Variants in PHKA2 observed in about 807,000 individuals in gnomAD.
PHKA2 encodes the protein phosphorylase b kinase regulatory subunit alpha, liver isoform.
A neutral mutation model predicts 102.0 loss-of-function variants in PHKA2; 31 were observed. The ratio of observed to expected loss-of-function variants is 0.30; its 90% CI spans 0.23 to 0.41. The LOEUF is 0.41. PHKA2 is among the 10% of genes least tolerant of loss of function. The probability of loss-of-function intolerance (pLI) is 1.00; values close to 1 mark genes in which losing one functional copy is unlikely to be tolerated. For synonymous variants in PHKA2, 455 were observed against 416.2 expected, an observed-to-expected ratio of 1.09 and a Z score of -1.13; for missense variants, 858 against 1,023.1, an observed-to-expected ratio of 0.84 and a Z score of 2.20.
At chrX:18,934,912 G>C (rs1439607001) in intron 11 of PHKA2, among the ~76,000 whole-genome samples, 1 of 112,533 alleles carries the variant, frequency 8.9e-6, no homozygotes, top group Non-Finnish European at 1.9e-5. Flanking sequence ...TGTGAGCTCT[G>C]ACAGGTTCCA....
chrX:18,942,964 T>C (rs2048517469), intron 7 of PHKA2, among the ~76,000 whole-genome samples: 1 of 110,336 alleles, frequency 9.1e-6, no homozygotes, highest in South Asian at 3.9e-4. Context: ...AGCTTCAGAA[T>C]AAAGCTTTAT....
chrX:18,961,099 A>G (rs2048862483), intron 1 of PHKA2, among the ~76,000 whole-genome samples: 1 of 112,169 alleles, frequency 8.9e-6, no homozygotes, highest in Admixed American at 9.4e-5. Context: ...TGGACATGGG[A>G]TGTCTTTCTG....
At chrX:18,967,006 G>T (rs919653562) in intron 1 of PHKA2, among the ~76,000 whole-genome samples, 2 of 111,136 alleles carry the variant, frequency 1.8e-5, no homozygotes, top group African/African-American at 6.5e-5. Flanking sequence ...GAATGTTTAG[G>T]GTGTAAAATC....
At chrX:18,966,943 C>G (rs751188594) in intron 1 of PHKA2, among the ~76,000 whole-genome samples, 1 of 111,397 alleles carries the variant, frequency 9.0e-6, no homozygotes, top group African/African-American at 3.3e-5. Flanking sequence ...GCTGGTGGCT[C>G]AGACAAGAAT....
At chrX:18,895,675 A>G (rs1404915188) in intron 30 of PHKA2, 2 of 125,656 alleles carry the variant, frequency 1.6e-5, no homozygotes, top group Non-Finnish European at 3.3e-5. Context: ...ATAAATATCG[A>G]GTGCCAGCTC....
At chrX:18,931,810 C>A (rs1315342603) in intron 11 of PHKA2, 62 bp from the exon 12 acceptor site, 1 of 744,907 alleles carries the variant, frequency 1.3e-6, no homozygotes, top group Non-Finnish European at 2.1e-6. Context: ...TGATACCTGA[C>A]CATGGGGAAT....
intron 1 of PHKA2, among the ~76,000 whole-genome samples, chrX:18,982,022 G>T (rs1018579229): frequency 2.7e-5 from 3 of 111,780 alleles, no homozygotes; most frequent in African/African-American, 9.8e-5. Context: ...CTCCATCACA[G>T]TCATGAAGGG....
At chrX:18,933,221 G>A (rs915306424) in intron 11 of PHKA2, among the ~76,000 whole-genome samples, 3 of 112,005 alleles carry the variant, frequency 2.7e-5, no homozygotes, top group Admixed American at 1.9e-4. Flanking sequence ...TCCCACCCAT[G>A]AGCCACCTCC....
intron 17 of PHKA2, among the ~76,000 whole-genome samples, chrX:18,922,435 G>A (rs2048138774): frequency 9.0e-6 from 1 of 111,132 alleles, no homozygotes; most frequent in Non-Finnish European, 1.9e-5. Context: ...ACAGTCTCGC[G>A]AGAAAGGCCA....
intron 1 of PHKA2, among the ~76,000 whole-genome samples, chrX:18,959,178 G>A (rs775025964): frequency 8.9e-5 from 10 of 112,227 alleles, no homozygotes; most frequent in Non-Finnish European, 1.7e-4. Context: ...CTGTCAGATG[G>A]GGATTATAAC....
chrX:18,975,353 G>A (rs866394901), intron 1 of PHKA2, among the ~76,000 whole-genome samples: 4 of 111,548 alleles, frequency 3.6e-5, no homozygotes, highest in Admixed American at 1.9e-4. Flanking sequence ...CTCTTTGCCC[G>A]CTGCCATCCA....
At chrX:18,945,785 T>G (rs1231888599) in intron 5 of PHKA2, among the ~76,000 whole-genome samples, 1 of 111,679 alleles carries the variant, frequency 9.0e-6, no homozygotes. Flanking sequence ...ATTCATATTT[T>G]CATTAAAAAA....
chrX:18,954,379 C>G lies in PHKA2; in HGVS notation c.112G>C (p.Glu38Gln), dbSNP rs17313469. The G allele has an allele frequency of 0.028, 33,367 of 1,210,349 alleles. 337 individuals carry two copies. Among genetic ancestry groups the G allele is most frequent in the Non-Finnish European group, 0.032 (29,002 of 895,077 alleles). Reference sequence around the variant, plus strand: ...TCCCGCACCCAGGCATCCTTCTGCTCATGGCTGGCTGACAGCAGCCCCGTG... The same window carrying G: ...TCCCGCACCCAGGCATCCTTCTGCTGATGGCTGGCTGACAGCAGCCCCGTG... ...PVTGLLSASH[E>Q]QKDAWVRDNI... The change falls in exon 2 of 33, where the codon GAG becomes CAG. Residue 38 changes from glutamate to glutamine, a missense_variant. Physicochemically the swap from Glu to Gln is conservative, Grantham distance 29. Transcript: ENST00000379942.
At chrX:18,961,514 C>G (rs1289668404) in intron 1 of PHKA2, among the ~76,000 whole-genome samples, 1 of 108,570 alleles carries the variant, frequency 9.2e-6, no homozygotes, top group African/African-American at 3.4e-5. Flanking sequence ...AAAAATTAGC[C>G]AGGCATGGTG....
intron 7 of PHKA2, 79 bp from the exon 8 acceptor site, chrX:18,941,754 C>T: frequency 1.4e-6 from 1 of 730,239 alleles, no homozygotes; most frequent in Non-Finnish European, 2.2e-6. Flanking sequence ...AGCTCGGCCC[C>T]AAGGGAACAT....
At chrX:18,978,787 T>C (rs1015327617) in intron 1 of PHKA2, among the ~76,000 whole-genome samples, 1 of 111,785 alleles carries the variant, frequency 8.9e-6, no homozygotes. Context: ...CAAACTCTTA[T>C]CTTAAAAGCT....
chrX:18,982,578 A>G (rs977076223), intron 1 of PHKA2, among the ~76,000 whole-genome samples: 2 of 112,241 alleles, frequency 1.8e-5, no homozygotes, highest in African/African-American at 6.5e-5. Flanking sequence ...CATGCCTGTA[A>G]TCCCAGCACT....
At chrX:18,973,421 T>A (rs950408359) in intron 1 of PHKA2, among the ~76,000 whole-genome samples, 6 of 110,957 alleles carry the variant, frequency 5.4e-5, no homozygotes, top group Non-Finnish European at 1.1e-4. Context: ...AATAGATTAA[T>A]AGATTTTATA....
intron 30 of PHKA2, among the ~76,000 whole-genome samples, chrX:18,896,961 C>T (rs1322042719): frequency 4.5e-5 from 5 of 111,457 alleles, no homozygotes; most frequent in Non-Finnish European, 9.4e-5. Flanking sequence ...TGGCATCTGG[C>T]GGGTAGAGGC....
Sources: allele counts gnomAD v4.1 joint callset (sites outside exome capture counted in the v4.1 genomes callset), GRCh38; gene constraint gnomAD v4.1.1; transcripts MANE v1.5; gene names NCBI Gene and HGNC (gene_info 2026-07-23, HGNC 2026-07-21).